The following MED12L variants were observed in gnomAD, a reference collection of about 807,000 sequenced individuals.
MED12L encodes mediator of RNA polymerase II transcription subunit 12-like protein.
MED12L carries 60 observed loss-of-function variants against 281.3 expected under a neutral mutation model. The observed-to-expected ratio is 0.21, with a 90% CI of 0.17 to 0.26. The LOEUF is 0.26. Ranked by LOEUF, MED12L falls within the 10% of genes least tolerant of loss-of-function variation. The probability of loss-of-function intolerance (pLI) is 1.00; values close to 1 mark genes in which losing one functional copy is unlikely to be tolerated. For missense variants in MED12L, 2,146 were observed against 2,680.9 expected, an observed-to-expected ratio of 0.80 and a Z score of 4.41; for synonymous variants, 974 against 987.2, an observed-to-expected ratio of 0.99 and a Z score of 0.25.
intron 16 of MED12L, among the ~76,000 whole-genome samples, chr3:151,315,248 A>G (rs1307041762): frequency 2.6e-5 from 4 of 152,172 alleles, no homozygotes; most frequent in Non-Finnish European, 5.9e-5. Context: ...TGTGGTTCTT[A>G]AAGAGAGTTA....
At chr3:151,369,594 T>C (rs1309334561) in intron 26 of MED12L, 45 bp downstream of exon 26, 4 of 1,247,188 alleles carry the variant, frequency 3.2e-6, no homozygotes, top group Non-Finnish European at 4.6e-6. Context: ...TCACCAGAAA[T>C]GAAGGCAAAA....
chr3:151,131,161 T>C (rs1003527218), intron 5 of MED12L, among the ~76,000 whole-genome samples: 1 of 152,232 alleles, frequency 6.6e-6, no homozygotes, highest in Non-Finnish European at 1.5e-5. Context: ...TTCCTTATGT[T>C]CTCTTAATAT....
intron 16 of MED12L, among the ~76,000 whole-genome samples, chr3:151,342,009 G>T (rs935006292): frequency 1.3e-5 from 2 of 152,050 alleles, no homozygotes; most frequent in Middle Eastern, 3.2e-3. Context: ...CCAAGTCTTT[G>T]CTATTATGAA....
chr3:151,180,983 T>TA (rs1341523139), intron 11 of MED12L, among the ~76,000 whole-genome samples: 1 of 152,156 alleles, frequency 6.6e-6, no homozygotes, highest in East Asian at 1.9e-4. Flanking sequence ...TTATGATTAG[T>TA]AAAAAAATTC....
At chr3:151,410,097 A>T (rs1300684895) in intron 40 of MED12L, among the ~76,000 whole-genome samples, 1 of 151,204 alleles carries the variant, frequency 6.6e-6, no homozygotes, top group Non-Finnish European at 1.5e-5. Context: ...TGTGTGAGTT[A>T]CTTACTCTGA....
At chr3:151,217,583 A>G (rs1554120) in intron 16 of MED12L, among the ~76,000 whole-genome samples, 14,702 of 152,266 alleles carry the variant, frequency 0.097, 968 homozygotes, top group Middle Eastern at 0.17. Flanking sequence ...ATGCAATTGC[A>G]GATGAGCCTC....
intron 16 of MED12L, chr3:151,326,780 T>C (rs1398622435): frequency 6.6e-6 from 1 of 152,194 alleles, no homozygotes; most frequent in Non-Finnish European, 1.5e-5. Context: ...TCGTGGCACA[T>C]TTACAGAGCT....
intron 2 of MED12L, among the ~76,000 whole-genome samples, chr3:151,109,413 A>G (rs1265735401): frequency 6.6e-6 from 1 of 152,164 alleles, no homozygotes; most frequent in Non-Finnish European, 1.5e-5. Context: ...ACATATTAGC[A>G]TGGACTATTT....
chr3:151,199,348 A>T, intron 16 of MED12L: 1 of 1,613,246 alleles, frequency 6.2e-7, no homozygotes, highest in Non-Finnish European at 8.5e-7. Flanking sequence ...ATGGCTCCAG[A>T]TCTTTATAAA....
intron 4 of MED12L, among the ~76,000 whole-genome samples, chr3:151,126,625 C>T (rs2148796207): frequency 6.6e-6 from 1 of 152,198 alleles, no homozygotes; most frequent in African/African-American, 2.4e-5. Context: ...GGTTTGAAGC[C>T]TTGATTTTCA....
At chr3:151,423,161 A>T (rs964598597) in intron 43 of MED12L, among the ~76,000 whole-genome samples, 1 of 151,566 alleles carries the variant, frequency 6.6e-6, no homozygotes, top group Non-Finnish European at 1.5e-5. Context: ...CTGGGATTAC[A>T]GGTGCCTGCC....
intron 16 of MED12L, among the ~76,000 whole-genome samples, chr3:151,204,251 C>A (rs930402807): frequency 6.6e-6 from 1 of 151,970 alleles, no homozygotes; most frequent in Non-Finnish European, 1.5e-5. Context: ...AAAGAAGATA[C>A]CTTTCCAGGA....
chr3:151,294,465 A>ACACAGC lies in MED12L; in HGVS notation c.2251-55589_2251-55584dup. 3 of 1,614,224 alleles carry ACACAGC rather than the reference A, an allele frequency of 1.9e-6. No individual in the cohort carries two copies. In the East Asian group the frequency reaches 6.7e-5, roughly 36 times the overall value. On this transcript the variant is annotated intron_variant, in intron 16 of 44. Coordinates refer to ENST00000687756, the MANE Select transcript of MED12L (RefSeq NM_001393769.1). Reference sequence around the variant, plus strand: ...TGATATGGTAGAAAGCAGGTAAAAAACACAGCCACAACAACCCTGATGCTC... The same window carrying ACACAGC: ...TGATATGGTAGAAAGCAGGTAAAAAACACAGCCACAGCCACAACAACCCTGATGCTC...
rs755799952 is a variant in MED12L, at chr3:151,190,909, A to C, written c.1946A>C (p.Lys649Thr). 83 of 1,614,046 alleles carry C rather than the reference A, an allele frequency of 5.1e-5. No individual in the cohort carries two copies. Among genetic ancestry groups the C allele is most frequent in the Middle Eastern group, 1.6e-4 (1 of 6,084 alleles). The change falls in exon 14 of 45, where the codon AAG becomes ACG. Residue 649 changes from lysine (K) to threonine (T), a missense_variant. Transcript: ENST00000687756. Reference sequence around the variant, plus strand: ...GAAAATGCAGATGAACACTATTCAAAGGACCATGATGTGAAAATGGAGGTA... The same window carrying C: ...GAAAATGCAGATGAACACTATTCAACGGACCATGATGTGAAAATGGAGGTA... ...VGENADEHYSKDHDVKMEEQS... is the reference protein window; with the variant it reads ...VGENADEHYSTDHDVKMEEQS...
chr3:151,283,064 T>C (rs2149625813), intron 16 of MED12L, among the ~76,000 whole-genome samples: 1 of 152,306 alleles, frequency 6.6e-6, no homozygotes, highest in East Asian at 1.9e-4. Context: ...AATTGTGCAC[T>C]TGCCTTCATC....
At chr3:151,282,800 T>A (rs1273298019) in intron 16 of MED12L, among the ~76,000 whole-genome samples, 3 of 152,346 alleles carry the variant, frequency 2.0e-5, no homozygotes, top group Admixed American at 6.5e-5. Flanking sequence ...GTAAAGTTTT[T>A]GAGCTTTGTA....
At chr3:151,092,592 C>G (rs1720199296) in intron 2 of MED12L, among the ~76,000 whole-genome samples, 1 of 152,326 alleles carries the variant, frequency 6.6e-6, no homozygotes, top group South Asian at 2.1e-4. Flanking sequence ...ATCGAAAACT[C>G]TTAAAGGCAT....
At chr3:151,319,462 T>C (rs763347816) in intron 16 of MED12L, among the ~76,000 whole-genome samples, 6 of 95,416 alleles carry the variant, frequency 6.3e-5, no homozygotes, top group Non-Finnish European at 1.3e-4. Flanking sequence ...TGTGTGTGTG[T>C]GTGTGCGTGT....
At chr3:151,332,510 GAAC>G (rs1261436133) in intron 16 of MED12L, among the ~76,000 whole-genome samples, 1 of 152,078 alleles carries the variant, frequency 6.6e-6, no homozygotes, top group Non-Finnish European at 1.5e-5. Flanking sequence ...TTCTGAGTAA[GAAC>G]AATAGTAGAA....
Sources: gnomAD v4.1 joint callset for allele counts (sites outside exome capture counted in the v4.1 genomes callset) on GRCh38, gnomAD v4.1.1 for gene constraint, MANE v1.5 for transcripts, NCBI Gene and HGNC (gene_info 2026-07-23, HGNC 2026-07-21) for gene names.